TRABD2A: variants seen among roughly 807,000 people sequenced by gnomAD.
TRABD2A encodes TraB domain containing 2A.
In TRABD2A, 43 loss-of-function variants were observed where a neutral mutation model predicts 45.6. The observed-to-expected ratio is 0.94, with a 90% CI of 0.74 to 1.22. TRABD2A has a LOEUF of 1.22. Ranked by LOEUF, TRABD2A falls within the 50% of genes most tolerant of loss-of-function variation. TRABD2A has a pLI of 0.00. For missense variants in TRABD2A, 642 were observed against 652.4 expected, an observed-to-expected ratio of 0.98 and a Z score of 0.17; for synonymous variants, 269 against 265.0, an observed-to-expected ratio of 1.02 and a Z score of -0.15.
In TRABD2A at chr2:84,822,050, G is replaced by C. The variant is rs1008969235; in HGVS notation, c.1385C>G (p.Thr462Ser). 2.5e-6 allele frequency: 4 copies of C among 1,590,540 alleles called. No individual in the cohort carries two copies. The African/African-American group carries it at 4.0e-5, about 16-fold the overall frequency. The change falls in exon 7 of 7, where the codon ACT (threonine) becomes AGT (serine). Residue 462 changes from threonine (T) to serine (S), a missense_variant. Coordinates refer to ENST00000409520, the MANE Select transcript of TRABD2A (RefSeq NM_001277053.2). ...CCCACGGCGAGGGAGCCGCAGTTCA[G>C]TGGAGATGTGCCTGTCCAGGACAGG... ...QVPVLDRHIS[T>S]ELRLPRRGHS...
intron 2 of TRABD2A, among the ~76,000 whole-genome samples, chr2:84,867,436 A>C (rs1334056964): frequency 6.6e-6 from 1 of 152,204 alleles, no homozygotes; most frequent in Non-Finnish European, 1.5e-5. Context: ...AAATTAATTC[A>C]AGATGGATTA....
intron 1 of TRABD2A, among the ~76,000 whole-genome samples, chr2:84,873,336 G>T (rs551031373): frequency 6.6e-6 from 1 of 151,260 alleles, no homozygotes; most frequent in Non-Finnish European, 1.5e-5. Context: ...CAGGAGAATC[G>T]CTTGAACCGG....
chr2:84,837,017 G>T, intron 4 of TRABD2A: 1 of 129,308 alleles, frequency 7.7e-6, no homozygotes, highest in Non-Finnish European at 1.6e-5. Context: ...TTTGGAGATG[G>T]AGTTTCACTC....
chr2:84,839,458 T>A (rs1681636320), intron 3 of TRABD2A, 135 bp from the exon 4 acceptor site: 1 of 818,656 alleles, frequency 1.2e-6, no homozygotes, highest in African/African-American at 1.7e-5. Context: ...TCTTGGAGTT[T>A]CCTGTCTGCT....
chr2:84,841,398 C>T (rs1353913776), intron 3 of TRABD2A, among the ~76,000 whole-genome samples: 1 of 152,208 alleles, frequency 6.6e-6, no homozygotes, highest in Non-Finnish European at 1.5e-5. Context: ...TCTGCAAATG[C>T]TAGCAGCCTT....
intron 2 of TRABD2A, chr2:84,843,833 T>G (rs1681794042): frequency 1.3e-5 from 2 of 152,236 alleles, no homozygotes; most frequent in Admixed American, 1.3e-4. Flanking sequence ...TAGCAACATC[T>G]GAATTTTGGA....
intron 3 of TRABD2A, among the ~76,000 whole-genome samples, chr2:84,840,357 C>T (rs1168116310): frequency 6.6e-6 from 1 of 152,152 alleles, no homozygotes; most frequent in Non-Finnish European, 1.5e-5. Context: ...GCAGAGCCCC[C>T]CTCTCTACCA....
intron 5 of TRABD2A, among the ~76,000 whole-genome samples, chr2:84,829,363 A>AACACACACACACACACAC (rs146287038): frequency 6.9e-6 from 1 of 145,614 alleles, no homozygotes; most frequent in Non-Finnish European, 1.5e-5. Flanking sequence ...AACAACCAGC[A>AACACACACACACACACAC]ACACACACAC....
intron 2 of TRABD2A, among the ~76,000 whole-genome samples, chr2:84,843,206 C>T (rs1681770043): frequency 6.6e-6 from 1 of 152,068 alleles, no homozygotes; most frequent in African/African-American, 2.4e-5. Context: ...CCCCAGTAAT[C>T]AGCATACAGG....
chr2:84,867,401 G>T (rs1187968593), intron 2 of TRABD2A, among the ~76,000 whole-genome samples: 2 of 152,168 alleles, frequency 1.3e-5, no homozygotes, highest in East Asian at 1.9e-4. Context: ...GCTGAAACTG[G>T]ATCCCTTACT....
At chr2:84,836,437 T>G (rs1260230444) in intron 4 of TRABD2A, 2 of 152,190 alleles carry the variant, frequency 1.3e-5, no homozygotes, top group African/African-American at 4.8e-5. Flanking sequence ...GGGGATCCCT[T>G]GTCTGCTTTG....
intron 2 of TRABD2A, among the ~76,000 whole-genome samples, chr2:84,859,682 A>G (rs371012039): frequency 6.6e-6 from 1 of 152,180 alleles, no homozygotes; most frequent in East Asian, 1.9e-4. Context: ...TGGTTCTCCA[A>G]CTTGCTTGTG....
At chr2:84,832,292 A>G (rs887199256) in intron 4 of TRABD2A, 147 bp from the exon 5 acceptor site, 2 of 751,598 alleles carry the variant, frequency 2.7e-6, no homozygotes, top group Non-Finnish European at 2.2e-6. Context: ...AGCTTCTGGA[A>G]TCAGGCCTGC....
chr2:84,840,706 C>A (rs6719802), intron 3 of TRABD2A, among the ~76,000 whole-genome samples: 1 of 152,116 alleles, frequency 6.6e-6, no homozygotes, highest in East Asian at 1.9e-4. Context: ...TTTCTCCCCC[C>A]TTCCCTACCC....
At chr2:84,855,334 T>G (rs771676176) in intron 2 of TRABD2A, among the ~76,000 whole-genome samples, 1 of 152,132 alleles carries the variant, frequency 6.6e-6, no homozygotes, top group Non-Finnish European at 1.5e-5. Flanking sequence ...TTTCCTACGG[T>G]GCAAAAACTA....
At chr2:84,875,016 T>G (rs1368416890) in intron 1 of TRABD2A, 2 of 170,172 alleles carry the variant, frequency 1.2e-5, no homozygotes, top group Admixed American at 5.9e-5. Context: ...CTTCCCAGTC[T>G]GTGGGCTGAA....
chr2:84,855,402 T>G (rs11682890), intron 2 of TRABD2A, among the ~76,000 whole-genome samples: 3,976 of 152,256 alleles, frequency 0.026, 86 homozygotes, highest in South Asian at 0.065. Flanking sequence ...GATTGCTACT[T>G]TCACATTAGT....
intron 2 of TRABD2A, among the ~76,000 whole-genome samples, chr2:84,866,090 A>G (rs1665352177): frequency 6.6e-6 from 1 of 152,210 alleles, no homozygotes; most frequent in African/African-American, 2.4e-5. Context: ...CTTCAGTTAG[A>G]TTCAGGGACT....
At chr2:84,823,545 C>T (rs1029548325) in intron 6 of TRABD2A, among the ~76,000 whole-genome samples, 2 of 152,182 alleles carry the variant, frequency 1.3e-5, no homozygotes, top group African/African-American at 2.4e-5. Context: ...TGTAGGGTCA[C>T]GACCCTTCCC....
Sources: allele counts gnomAD v4.1 joint callset (sites outside exome capture counted in the v4.1 genomes callset), GRCh38; gene constraint gnomAD v4.1.1; transcripts MANE v1.5; gene names NCBI Gene and HGNC (gene_info 2026-07-23, HGNC 2026-07-21).